Variants in KCNQ3 observed in about 807,000 individuals in gnomAD.
KCNQ3 encodes potassium voltage-gated channel subfamily Q member 3, also known as potassium voltage-gated channel subfamily KQT member 3.
KCNQ3 carries 30 observed loss-of-function variants against 92.5 expected under a neutral mutation model. That is an observed-to-expected ratio of 0.32 (90% CI 0.24 to 0.44). The LOEUF (loss-of-function observed/expected upper bound fraction) is 0.44. Ranked by LOEUF, KCNQ3 falls within the 20% of genes least tolerant of loss-of-function variation. The pLI is 1.00. For missense variants in KCNQ3, 913 were observed against 1,140.3 expected (o/e 0.80, Z 2.87); for synonymous variants, 450 against 468.8 (o/e 0.96, Z 0.52).
chr8:132,362,958 A>G (rs1205446346), intron 1 of KCNQ3, among the ~76,000 whole-genome samples: 1 of 152,164 alleles, frequency 6.6e-6, no homozygotes, highest in Non-Finnish European at 1.5e-5. Context: ...AAGGAGAGGC[A>G]AGAGGTAGTA....
At chr8:132,319,115 C>T (rs1027239475) in intron 1 of KCNQ3, among the ~76,000 whole-genome samples, 2 of 152,158 alleles carry the variant, frequency 1.3e-5, no homozygotes, top group Non-Finnish European at 2.9e-5. Flanking sequence ...AAGGGCATGT[C>T]TGGGGGAAAG....
At chr8:132,346,632 C>T (rs1261477991) in intron 1 of KCNQ3, among the ~76,000 whole-genome samples, 2 of 152,228 alleles carry the variant, frequency 1.3e-5, no homozygotes, top group Non-Finnish European at 2.9e-5. Flanking sequence ...ACTAATGCTT[C>T]AACTCTGGAA....
chr8:132,402,443 C>A (rs376876999), intron 1 of KCNQ3, among the ~76,000 whole-genome samples: 1 of 152,158 alleles, frequency 6.6e-6, no homozygotes, highest in African/African-American at 2.4e-5. Context: ...CAGAATAGCA[C>A]TAAAAACTGT....
Position 132,129,134 on chromosome 8 carries a change from G to A in KCNQ3, c.*128C>T. ...CTGTGGGAAGCCCCTGCCTGGGTGG[G>A]GCCACCACGCACACGCATGCATTTG... On this transcript the variant is annotated 3_prime_UTR_variant, in exon 15 of 15. Coordinates refer to ENST00000388996, the MANE Select transcript of KCNQ3 (RefSeq NM_004519.4). This position sits in a 1 kb window ranked among gnomAD's most constrained non-coding sequence, Gnocchi z 5.9. 4 of 1,148,446 alleles carry A rather than the reference G, an allele frequency of 3.5e-6. No individual in the cohort carries two copies. The highest frequency in any genetic ancestry group is 3.8e-6 in the Non-Finnish European group (3 of 799,506). 71.1% of individuals were successfully genotyped at this position (1,148,446 alleles called of 1,614,324 possible). A position where few individuals can be genotyped will look rare whatever the true frequency, so the allele number is the denominator to read the frequency against.
At chr8:132,402,948 G>T (rs539500744) in intron 1 of KCNQ3, among the ~76,000 whole-genome samples, 11 of 138,586 alleles carry the variant, frequency 7.9e-5, no homozygotes, top group African/African-American at 3.1e-4. Flanking sequence ...AACCCAGGAG[G>T]CAGAGATTGC....
chr8:132,255,989 A>ACC (rs1181768870), intron 1 of KCNQ3, among the ~76,000 whole-genome samples: 2 of 137,088 alleles, frequency 1.5e-5, no homozygotes, highest in Non-Finnish European at 3.2e-5. Context: ...AACAAACCAA[A>ACC]AAAACAGTCA....
intron 1 of KCNQ3, among the ~76,000 whole-genome samples, chr8:132,202,055 C>G (rs1467168699): frequency 6.6e-6 from 1 of 152,172 alleles, no homozygotes; most frequent in African/African-American, 2.4e-5. Flanking sequence ...CTTGCACATT[C>G]TGGAGCAGTG....
chr8:132,378,668 TG>T (rs1819671532), intron 1 of KCNQ3, among the ~76,000 whole-genome samples: 1 of 152,220 alleles, frequency 6.6e-6, no homozygotes, highest in South Asian at 2.1e-4. Context: ...GTGCTTTAAA[TG>T]AGGTCCCTTC....
At chr8:132,438,131 C>T (rs1821443824) in intron 1 of KCNQ3, among the ~76,000 whole-genome samples, 1 of 152,186 alleles carries the variant, frequency 6.6e-6, no homozygotes, top group Admixed American at 6.5e-5. Context: ...GGTGATTCTT[C>T]TTATGAGAAA....
At chr8:132,154,193 GTTTTTTTT>G (rs869112851) in intron 9 of KCNQ3, among the ~76,000 whole-genome samples, 20 of 27,494 alleles carry the variant, frequency 7.3e-4, no homozygotes, top group Admixed American at 3.5e-3. Flanking sequence ...AAGGGTAAAA[GTTTTTTTT>G]TTTTTTTTTT....
chr8:132,315,049 G>A (rs1817701888), intron 1 of KCNQ3, among the ~76,000 whole-genome samples: 1 of 152,190 alleles, frequency 6.6e-6, no homozygotes, highest in Admixed American at 6.5e-5. Flanking sequence ...AAGGGATGGA[G>A]AACCAACCGC....
intron 9 of KCNQ3, among the ~76,000 whole-genome samples, chr8:132,142,703 T>C (rs1825334030): frequency 6.6e-6 from 1 of 152,162 alleles, no homozygotes; most frequent in Non-Finnish European, 1.5e-5. Context: ...TGAATGAATA[T>C]GGGTGATCAA....
chr8:132,296,486 C>T (rs866630767), intron 1 of KCNQ3, among the ~76,000 whole-genome samples: 13 of 152,050 alleles, frequency 8.5e-5, no homozygotes, highest in Middle Eastern at 3.4e-3. Flanking sequence ...GTGTGCTGCA[C>T]CCATTAACTC....
chr8:132,187,775 TAGTG>T (rs910934998), intron 1 of KCNQ3, among the ~76,000 whole-genome samples: 1 of 148,960 alleles, frequency 6.7e-6, no homozygotes, highest in Non-Finnish European at 1.5e-5. Context: ...GTGGTAGTGA[TAGTG>T]ATGGTGGTGG....
At chr8:132,467,221 C>T (rs573250482) in intron 1 of KCNQ3, among the ~76,000 whole-genome samples, 1 of 152,190 alleles carries the variant, frequency 6.6e-6, no homozygotes, top group African/African-American at 2.4e-5. Flanking sequence ...GCGGGTGTTC[C>T]CTGGGCTCTC....
At chr8:132,194,554 A>C (rs889488018) in intron 1 of KCNQ3, among the ~76,000 whole-genome samples, 4 of 152,242 alleles carry the variant, frequency 2.6e-5, no homozygotes, top group African/African-American at 9.6e-5. Flanking sequence ...GTTATTGAAA[A>C]GAATCCAGAT....
rs371033577 is a variant in KCNQ3, at chr8:132,184,396, T to C, written c.478-29A>G. On this transcript the variant is annotated intron_variant, in intron 2 of 14. Coordinates refer to ENST00000388996, the MANE Select transcript of KCNQ3 (RefSeq NM_004519.4). ...CATGGAAGAGCATATGGAGAGGCACTGATTAACCGAGATCCACTTGTCGGG... is the reference window on the plus strand; with the variant it reads ...CATGGAAGAGCATATGGAGAGGCACCGATTAACCGAGATCCACTTGTCGGG... 9.3e-6 allele frequency: 15 copies of C among 1,612,932 alleles called. No individual in the cohort carries two copies. In the African/African-American group the frequency reaches 2.0e-4, roughly 22 times the overall value.
At chr8:132,161,290 G>C (rs1175409298) in intron 9 of KCNQ3, among the ~76,000 whole-genome samples, 1 of 152,172 alleles carries the variant, frequency 6.6e-6, no homozygotes, top group African/African-American at 2.4e-5. Flanking sequence ...ACCTATGCTA[G>C]AAGGAGGCGA....
chr8:132,438,289 C>G (rs1278546419), intron 1 of KCNQ3, among the ~76,000 whole-genome samples: 1 of 152,222 alleles, frequency 6.6e-6, no homozygotes. Context: ...AAGTCTCCTT[C>G]TGACATTTGG....
Sources: allele counts gnomAD v4.1 joint callset (sites outside exome capture counted in the v4.1 genomes callset), GRCh38; gene constraint gnomAD v4.1.1; non-coding constraint Gnocchi (gnomAD v3.1); transcripts MANE v1.5; gene names NCBI Gene and HGNC (gene_info 2026-07-23, HGNC 2026-07-21).